Variants in KCND3 observed in about 807,000 individuals in gnomAD.
KCND3 encodes the protein potassium voltage-gated channel subfamily D member 3, also known as A-type voltage-gated potassium channel KCND3.
A neutral mutation model predicts 51.1 loss-of-function variants in KCND3; 9 were observed. The ratio of observed to expected loss-of-function variants is 0.18; its 90% CI spans 0.11 to 0.31. The LOEUF (loss-of-function observed/expected upper bound fraction) is 0.31, where lower values mean the gene tolerates loss of function less well. Ranked by LOEUF, KCND3 falls within the 10% of genes least tolerant of loss-of-function variation. KCND3 has a pLI of 1.00. For synonymous variants in KCND3, 349 were observed against 368.0 expected (o/e 0.95, Z 0.59); for missense variants, 526 against 903.8 (o/e 0.58, Z 5.36).
At position 111,838,549 on chromosome 1, in the gene KCND3, C is replaced by T. The variant is rs927002866; in HGVS notation, c.1107-51443G>A. Among the ~76,000 whole-genome samples the T allele has an allele frequency of 2.8e-4, 43 of 151,998 alleles. 1 individual carries two copies. The highest frequency in any genetic ancestry group is 8.9e-4 in the African/African-American group (37 of 41,440). On this transcript the variant is annotated intron_variant, in intron 2 of 7. Coordinates refer to ENST00000302127, the MANE Select transcript of KCND3 (RefSeq NM_001378969.1). ...GCAGGCGCCTGTAATCCCAGCTACT[C>T]GGGAGGCTGAGGCAGGAGAATGGCT...
intron 2 of KCND3, among the ~76,000 whole-genome samples, chr1:111,969,662 G>A (rs995943165): frequency 2.0e-5 from 3 of 152,122 alleles, no homozygotes; most frequent in South Asian, 4.1e-4. Context: ...TGCTGTCATT[G>A]TTGTTGTTAG....
chr1:111,845,548 G>T (rs972033702), intron 2 of KCND3, among the ~76,000 whole-genome samples: 3 of 151,132 alleles, frequency 2.0e-5, no homozygotes, highest in African/African-American at 7.3e-5. Context: ...CAATACCCCA[G>T]GGTCTCCTCC....
intron 2 of KCND3, among the ~76,000 whole-genome samples, chr1:111,876,948 G>A (rs563482979): frequency 6.6e-6 from 1 of 152,202 alleles, no homozygotes. Context: ...CGGGTAGGAT[G>A]GCTCCACATC....
chr1:111,907,917 C>T (rs1020351110), intron 2 of KCND3, among the ~76,000 whole-genome samples: 5 of 152,194 alleles, frequency 3.3e-5, no homozygotes, highest in Non-Finnish European at 1.5e-5. Flanking sequence ...GCAGTGTCTC[C>T]AGAACACACT....
At chr1:111,798,500 AGG>A (rs1665157253) in intron 2 of KCND3, among the ~76,000 whole-genome samples, 1 of 152,086 alleles carries the variant, frequency 6.6e-6, no homozygotes, top group Admixed American at 6.6e-5. Context: ...ATCTGAGGAC[AGG>A]GCTTTCTATC....
At chr1:111,858,226 C>T (rs1557982315) in intron 2 of KCND3, among the ~76,000 whole-genome samples, 2 of 152,210 alleles carry the variant, frequency 1.3e-5, no homozygotes, top group African/African-American at 4.8e-5. Context: ...TTTTTCTTAA[C>T]TCCATCAAAT....
intron 2 of KCND3, among the ~76,000 whole-genome samples, chr1:111,865,202 T>C (rs1668504625): frequency 6.6e-6 from 1 of 152,266 alleles, no homozygotes; most frequent in Non-Finnish European, 1.5e-5. Flanking sequence ...ATGCCAGATA[T>C]ACTGCTACTT....
At chr1:111,785,092 G>A (rs1664550388) in intron 3 of KCND3, among the ~76,000 whole-genome samples, 1 of 152,266 alleles carries the variant, frequency 6.6e-6, no homozygotes, top group Admixed American at 6.5e-5. Context: ...TGAAGTAAAG[G>A]TAGCTGTAGG....
At chr1:111,862,298 G>A (rs1267288084) in intron 2 of KCND3, among the ~76,000 whole-genome samples, 2 of 152,246 alleles carry the variant, frequency 1.3e-5, no homozygotes, top group Non-Finnish European at 2.9e-5. Flanking sequence ...CTCTGCCACT[G>A]TACTGCAAGG....
chr1:111,915,751 TCAAAAAAAAAAAAA>T (rs1266119145), intron 2 of KCND3, among the ~76,000 whole-genome samples: 1 of 65,020 alleles, frequency 1.5e-5, no homozygotes, highest in Admixed American at 1.6e-4. Context: ...AGACTCTGTC[TCAAAAAAAAAAAAA>T]CAAAAAAAAA....
At chr1:111,789,966 T>C (rs1664761567) in intron 2 of KCND3, among the ~76,000 whole-genome samples, 1 of 152,232 alleles carries the variant, frequency 6.6e-6, no homozygotes, top group Admixed American at 6.5e-5. Flanking sequence ...TCTCAAAGAT[T>C]ACCAACTATG....
intron 2 of KCND3, among the ~76,000 whole-genome samples, chr1:111,890,606 T>C (rs75602737): frequency 0.063 from 9,609 of 152,178 alleles, 332 homozygotes; most frequent in Non-Finnish European, 0.082. Flanking sequence ...ACCAGAGTCT[T>C]AGCATGCAGA....
At chr1:111,897,674 T>C (rs1413967802) in intron 2 of KCND3, among the ~76,000 whole-genome samples, 1 of 152,032 alleles carries the variant, frequency 6.6e-6, no homozygotes, top group East Asian at 1.9e-4. Flanking sequence ...AAGTCTGGGG[T>C]ACAGAAAGAA....
chr1:111,972,569 A>G (rs377648597), intron 2 of KCND3, among the ~76,000 whole-genome samples: 2 of 152,340 alleles, frequency 1.3e-5, no homozygotes, highest in African/African-American at 4.8e-5. Flanking sequence ...CCATTTCCAC[A>G]TATCAAAATC....
intron 2 of KCND3, among the ~76,000 whole-genome samples, chr1:111,842,345 G>T (rs572490323): frequency 2.6e-5 from 4 of 152,270 alleles, no homozygotes; most frequent in African/African-American, 7.2e-5. Context: ...TTCCATTTTA[G>T]CATCCCTGTG....
At position 111,783,985 on chromosome 1, in the gene KCND3, G is replaced by A. The variant is rs114610049; in HGVS notation, c.1269+2959C>T. ...GATGGAAAAATAAATGGTTGCCAGG[G>A]GTTAGGGACAGGGCAGGGCTAGGGC... On this transcript the variant is annotated intron_variant, in intron 3 of 7. Coordinates refer to ENST00000302127, the MANE Select transcript of KCND3 (RefSeq NM_001378969.1). Among the ~76,000 whole-genome samples, 867 of 152,206 alleles carry A rather than the reference G, an allele frequency of 5.7e-3. 5 individuals are homozygous for A. Among genetic ancestry groups the A allele is most frequent in the African/African-American group, 0.019 (803 of 41,502 alleles).
At chr1:111,786,772 TG>T (rs1216472705) in intron 3 of KCND3, among the ~76,000 whole-genome samples, 171 bp downstream of exon 3, 1 of 152,074 alleles carries the variant, frequency 6.6e-6, no homozygotes, top group East Asian at 1.9e-4. Context: ...TGGAACTGAC[TG>T]GGGCTGGAAT....
intron 6 of KCND3, 97 bp downstream of exon 6, chr1:111,778,339 C>G: frequency 9.0e-7 from 1 of 1,111,172 alleles, no homozygotes; most frequent in Non-Finnish European, 1.4e-6. Flanking sequence ...ATCAGCAGCA[C>G]ATGCACAGAA....
At chr1:111,897,190 A>C (rs1670160829) in intron 2 of KCND3, among the ~76,000 whole-genome samples, 1 of 152,078 alleles carries the variant, frequency 6.6e-6, no homozygotes, top group Admixed American at 6.5e-5. Flanking sequence ...GTCCTCATCC[A>C]CGTTTAGTGT....
Sources: gnomAD v4.1 joint callset for allele counts (sites outside exome capture counted in the v4.1 genomes callset) on GRCh38, gnomAD v4.1.1 for gene constraint, MANE v1.5 for transcripts, NCBI Gene and HGNC (gene_info 2026-07-23, HGNC 2026-07-21) for gene names.